The following TCP11L2 variants were observed in gnomAD, a reference collection of about 807,000 sequenced individuals.
TCP11L2 encodes the protein T-complex protein 11-like protein 2.
Under a neutral mutation model 50.7 loss-of-function variants are expected in TCP11L2, and 39 were observed. That is an observed-to-expected ratio of 0.77 (90% CI 0.60 to 1.01). The LOEUF (loss-of-function observed/expected upper bound fraction) is 1.01, where lower values mean the gene tolerates loss of function less well. Among genes scored for constraint, TCP11L2 ranks in the 50% least tolerant of loss-of-function variants. The pLI, the probability that TCP11L2 is intolerant of heterozygous loss-of-function variation, is 0.00. For synonymous variants in TCP11L2, 192 were observed against 219.3 expected (o/e 0.88, Z 1.10); for missense variants, 612 against 614.7 (o/e 1.00, Z 0.05).
chr12:106,335,863 T>C, intron 7 of TCP11L2, 37 bp downstream of exon 7: 1 of 1,597,926 alleles, frequency 6.3e-7, no homozygotes, highest in Non-Finnish European at 8.5e-7. Flanking sequence ...TTTCCCAGTA[T>C]TTTTATTCTT....
chr12:106,302,418 C>T (rs533115952), upstream of TCP11L2, among the ~76,000 whole-genome samples: 2 of 124,620 alleles, frequency 1.6e-5, no homozygotes, highest in Admixed American at 7.9e-5. Flanking sequence ...GCCCCCGCTC[C>T]CCCACTCGGC....
intron 6 of TCP11L2, among the ~76,000 whole-genome samples, chr12:106,332,592 G>A (rs2035784901): frequency 6.6e-6 from 1 of 152,234 alleles, no homozygotes; most frequent in Non-Finnish European, 1.5e-5. Flanking sequence ...AGACTGGGTA[G>A]CTTAATATTA....
intron 3 of TCP11L2, among the ~76,000 whole-genome samples, chr12:106,314,771 G>A (rs561821717): frequency 5.0e-4 from 76 of 151,890 alleles, no homozygotes; most frequent in Non-Finnish European, 9.3e-4. Context: ...AGGTGGAGGC[G>A]GGAGGATTCC....
At chr12:106,326,172 A>T (rs1449860176) in intron 6 of TCP11L2, among the ~76,000 whole-genome samples, 10 of 152,188 alleles carry the variant, frequency 6.6e-5, no homozygotes, top group Non-Finnish European at 1.3e-4. Flanking sequence ...TTCTGCCGAG[A>T]TAATCAACAC....
rs778080724 is a variant in TCP11L2, at chr12:106,314,471, CAA to C, written c.272_273del (p.Gln91ArgfsTer31). 4 of 1,605,372 alleles carry C rather than the reference CAA, an allele frequency of 2.5e-6. No homozygotes were observed. Among genetic ancestry groups the C allele is most frequent in the Admixed American group, 1.7e-5 (1 of 59,592 alleles). On this transcript the variant is annotated frameshift_variant, in exon 3 of 10. Coordinates refer to ENST00000299045, the MANE Select transcript of TCP11L2 (RefSeq NM_152772.3). LOFTEE classifies it high-confidence loss of function. ...TGTAAATGAGAACTTTCAATTGAAA[CAA>C]GAGGCTCTCCCAGAAAAGAGGTAAC... is the stretch of plus-strand genomic sequence containing the variant. ...IAVNENFQLK[Q>X]EALPEKSLAG... is the part of the protein sequence containing the mutation.
chr12:106,298,905 C>T (rs888886208), upstream of TCP11L2, among the ~76,000 whole-genome samples: 9 of 151,846 alleles, frequency 5.9e-5, no homozygotes, highest in Non-Finnish European at 1.0e-4. Context: ...GCAACCTCTG[C>T]CTCCTGGGTT....
intron 6 of TCP11L2, chr12:106,324,958 A>G (rs1035365290): frequency 1.3e-5 from 2 of 152,208 alleles, no homozygotes; most frequent in African/African-American, 4.8e-5. Context: ...GATATGAATT[A>G]TGAGTTTACA....
At chr12:106,339,084 G>T (rs2036011344) in intron 8 of TCP11L2, among the ~76,000 whole-genome samples, 1 of 152,186 alleles carries the variant, frequency 6.6e-6, no homozygotes, top group African/African-American at 2.4e-5. Context: ...GGCAGAGGTT[G>T]CAGTGAGCCG....
intron 2 of TCP11L2, chr12:106,312,289 A>G (rs2034890542): frequency 4.6e-6 from 2 of 433,962 alleles, no homozygotes; most frequent in South Asian, 1.9e-5. Flanking sequence ...GCTGTTATAA[A>G]TAGTGCTTTA....
intron 2 of TCP11L2, among the ~76,000 whole-genome samples, chr12:106,313,582 AAAATAAATAAAT>A (rs71072668): frequency 6.5e-5 from 9 of 139,334 alleles, no homozygotes; most frequent in South Asian, 2.3e-4. Flanking sequence ...CCATCTCAAA[AAAATAAATAAAT>A]AAATAAATAA....
At chr12:106,336,309 T>C in intron 8 of TCP11L2, 96 bp downstream of exon 8, 1 of 1,170,092 alleles carries the variant, frequency 8.5e-7, no homozygotes, top group Non-Finnish European at 1.2e-6. Flanking sequence ...GATGTGAGAT[T>C]CAGGACTGTG....
intron 1 of TCP11L2, among the ~76,000 whole-genome samples, chr12:106,304,601 C>G (rs997201130): frequency 6.6e-6 from 1 of 152,234 alleles, no homozygotes. Context: ...ACTCCCTTCC[C>G]TTTACTACAC....
chr12:106,336,770 C>A (rs1361120490), intron 8 of TCP11L2, among the ~76,000 whole-genome samples: 2 of 152,118 alleles, frequency 1.3e-5, no homozygotes, highest in African/African-American at 4.8e-5. Context: ...CCAGGATGGT[C>A]TCGATCTCTT....
intron 6 of TCP11L2, among the ~76,000 whole-genome samples, chr12:106,328,503 C>T (rs1481504453): frequency 6.6e-6 from 1 of 152,208 alleles, no homozygotes; most frequent in Non-Finnish European, 1.5e-5. Context: ...GAGATTGCGC[C>T]TCTGCACTCC....
chr12:106,338,399 A>G (rs950382126), intron 8 of TCP11L2, among the ~76,000 whole-genome samples: 3 of 152,204 alleles, frequency 2.0e-5, no homozygotes, highest in Non-Finnish European at 4.4e-5. Flanking sequence ...CCCACTTATA[A>G]GCGAGAACAT....
At chr12:106,306,901 G>A (rs1317581491) in intron 1 of TCP11L2, among the ~76,000 whole-genome samples, 1 of 152,170 alleles carries the variant, frequency 6.6e-6, no homozygotes, top group Non-Finnish European at 1.5e-5. Context: ...TGGCTTCAGT[G>A]ACATGTATTA....
At chr12:106,328,610 A>C (rs1430119476) in intron 6 of TCP11L2, among the ~76,000 whole-genome samples, 1 of 152,194 alleles carries the variant, frequency 6.6e-6, no homozygotes, top group African/African-American at 2.4e-5. Context: ...CCCAAATCCA[A>C]GTCCAGATTA....
At chr12:106,298,415 A>T (rs2034375854), upstream of TCP11L2, among the ~76,000 whole-genome samples, 1 of 152,080 alleles carries the variant, frequency 6.6e-6, no homozygotes, top group African/African-American at 2.4e-5. Flanking sequence ...TTTCTATTGT[A>T]TTTTCCCCCT....
At chr12:106,341,634 A>C (rs1355477519) in intron 9 of TCP11L2, among the ~76,000 whole-genome samples, 1 of 152,228 alleles carries the variant, frequency 6.6e-6, no homozygotes, top group African/African-American at 2.4e-5. Context: ...CAGCCTAATG[A>C]GAGTTCCAGC....
Sources: allele counts gnomAD v4.1 joint callset (sites outside exome capture counted in the v4.1 genomes callset), GRCh38; gene constraint gnomAD v4.1.1; transcripts MANE v1.5; gene names NCBI Gene and HGNC (gene_info 2026-07-23, HGNC 2026-07-21).